Variants in SLC5A4 observed in about 807,000 individuals in gnomAD.
SLC5A4 encodes solute carrier family 5 member 4.
A neutral mutation model predicts 70.3 loss-of-function variants in SLC5A4; 55 were observed. That is an observed-to-expected ratio of 0.78 (90% CI 0.63 to 0.98). The LOEUF (loss-of-function observed/expected upper bound fraction) is 0.98, where lower values mean the gene tolerates loss of function less well. Among genes scored for constraint, SLC5A4 ranks in the 50% least tolerant of loss-of-function variants. The pLI is 0.00. For missense variants in SLC5A4, 735 were observed against 839.2 expected (o/e 0.88, Z 1.53); for synonymous variants, 268 against 305.7 (o/e 0.88, Z 1.29).
At chr22:32,221,729 T>C (rs1370938075) in intron 13 of SLC5A4, among the ~76,000 whole-genome samples, 1 of 152,096 alleles carries the variant, frequency 6.6e-6, no homozygotes, top group East Asian at 1.9e-4. Context: ...TTGCTCCAAG[T>C]ATCAATGTTT....
intron 3 of SLC5A4, among the ~76,000 whole-genome samples, chr22:32,249,728 A>G (rs1367709078): frequency 6.6e-6 from 1 of 152,232 alleles, no homozygotes; most frequent in Non-Finnish European, 1.5e-5. Context: ...TGAAAACACC[A>G]GAAAGAGTAA....
intron 14 of SLC5A4, 77 bp from the exon 15 acceptor site, chr22:32,218,802 T>A: frequency 9.9e-7 from 1 of 1,006,794 alleles, no homozygotes; most frequent in East Asian, 2.5e-5. Context: ...GTGTAGTACC[T>A]ATGACTGTAA....
chr22:32,327,790 G>A, the SLC5A4 span, among the ~76,000 whole-genome samples: 1 of 152,300 alleles, frequency 6.6e-6, no homozygotes, highest in South Asian at 2.1e-4. Flanking sequence ...CTCAGGGGAT[G>A]TCAGTCCACG....
chr22:32,277,081 A>C, the SLC5A4 span: 1 of 152,202 alleles, frequency 6.6e-6, no homozygotes, highest in South Asian at 2.1e-4. Context: ...TTCAAAATTA[A>C]ACTTCAGTTG....
the SLC5A4 span, among the ~76,000 whole-genome samples, chr22:32,330,953 T>TGTGTGTGTTGGGCTCTG: frequency 3.6e-3 from 16 of 4,430 alleles, no homozygotes; most frequent in Admixed American, 6.6e-3. Flanking sequence ...GAGGCTCTGG[T>TGTGTGTGTTGGGCTCTG]GTGTGTGTGT....
At chr22:32,283,255 T>G in the SLC5A4 span, among the ~76,000 whole-genome samples, 1 of 152,328 alleles carries the variant, frequency 6.6e-6, no homozygotes, top group South Asian at 2.1e-4. Flanking sequence ...GCACTTGCAG[T>G]TCCTTCTGCT....
At chr22:32,266,390 C>T in the SLC5A4 span, among the ~76,000 whole-genome samples, 6 of 152,038 alleles carry the variant, frequency 3.9e-5, no homozygotes, top group African/African-American at 1.2e-4. Context: ...GAGAGAAAAC[C>T]CTAGGTAGTT....
the SLC5A4 span, among the ~76,000 whole-genome samples, chr22:32,287,612 T>G: frequency 3.3e-5 from 5 of 151,798 alleles, no homozygotes; most frequent in Non-Finnish European, 7.4e-5. Flanking sequence ...GCAGTTCACT[T>G]GAAGACCCTC....
chr22:32,333,792 GCCACACAGATCCACACAA>G, the SLC5A4 span, among the ~76,000 whole-genome samples: 2 of 146,828 alleles, frequency 1.4e-5, no homozygotes, highest in African/African-American at 5.1e-5. Context: ...CACACACCAT[GCCACACAGATCCACACAA>G]TATCACACAC....
chr22:32,261,108 C>G, the SLC5A4 span, among the ~76,000 whole-genome samples: 1 of 151,932 alleles, frequency 6.6e-6, no homozygotes, highest in Non-Finnish European at 1.5e-5. Context: ...CTCCCCTGAC[C>G]CAGGAGACTC....
the SLC5A4 span, among the ~76,000 whole-genome samples, chr22:32,323,523 G>T: frequency 1.3e-5 from 2 of 152,184 alleles, no homozygotes; most frequent in Non-Finnish European, 2.9e-5. Context: ...CTCATTCTCA[G>T]CCCAGGACCT....
At chr22:32,308,244 C>G in the SLC5A4 span, among the ~76,000 whole-genome samples, 50,568 of 152,064 alleles carry the variant, frequency 0.33, 8,565 homozygotes, top group Admixed American at 0.43. Context: ...GACCAGTACA[C>G]CCAAGTTGAA....
the SLC5A4 span, among the ~76,000 whole-genome samples, chr22:32,311,618 C>T: frequency 5.9e-5 from 9 of 152,216 alleles, no homozygotes; most frequent in South Asian, 2.1e-4. Flanking sequence ...TCCATAGCCT[C>T]GTTACCCTGC....
chr22:32,222,662 T>C (rs921142179), intron 13 of SLC5A4, among the ~76,000 whole-genome samples: 3 of 152,230 alleles, frequency 2.0e-5, no homozygotes, highest in Admixed American at 6.5e-5. Context: ...AAATATTTAG[T>C]TAGGAATTTC....
At chr22:32,267,793 A>G in the SLC5A4 span, among the ~76,000 whole-genome samples, 1 of 152,268 alleles carries the variant, frequency 6.6e-6, no homozygotes, top group Admixed American at 6.5e-5. Context: ...AGGACAGCCC[A>G]GTATAGACAC....
chr22:32,248,901 A>AACTT, intron 3 of SLC5A4, 99 bp from the exon 4 acceptor site: 1 of 815,456 alleles, frequency 1.2e-6, no homozygotes, highest in Non-Finnish European at 2.1e-6. Flanking sequence ...TAAAAAAAAA[A>AACTT]GTTGGCTCAA....
chr22:32,268,037 T>C, the SLC5A4 span, among the ~76,000 whole-genome samples: 2 of 152,118 alleles, frequency 1.3e-5, no homozygotes, highest in Non-Finnish European at 2.9e-5. Context: ...GGCAGGAGAA[T>C]GGCGTAAACC....
chr22:32,326,502 G>A, the SLC5A4 span, among the ~76,000 whole-genome samples: 16 of 151,998 alleles, frequency 1.1e-4, 1 homozygote, highest in Middle Eastern at 3.4e-3. Context: ...TGATCCACCC[G>A]CCTCGGCCTC....
intron 8 of SLC5A4, among the ~76,000 whole-genome samples, chr22:32,233,597 G>C (rs923626470): frequency 6.6e-6 from 1 of 152,182 alleles, no homozygotes; most frequent in Non-Finnish European, 1.5e-5. Flanking sequence ...CTGCCAGACT[G>C]TGAGAGGGCA....
Sources: allele counts gnomAD v4.1 joint callset (sites outside exome capture counted in the v4.1 genomes callset), GRCh38; gene constraint gnomAD v4.1.1; transcripts MANE v1.5; gene names NCBI Gene and HGNC (gene_info 2026-07-23, HGNC 2026-07-21).